The following DST variants were observed in gnomAD, a reference collection of about 807,000 sequenced individuals.
The protein encoded by DST is dystonin, also known as bullous pemphigoid antigen.
Under a neutral mutation model 875.2 loss-of-function variants are expected in DST, and 253 were observed. The ratio of observed to expected loss-of-function variants is 0.29; its 90% CI spans 0.26 to 0.32. The LOEUF (loss-of-function observed/expected upper bound fraction) is 0.32. Ranked by LOEUF, DST falls within the 10% of genes least tolerant of loss-of-function variation. The pLI, the probability that DST is intolerant of heterozygous loss-of-function variation, is 1.00. For missense variants in DST, 8,287 were observed against 9,111.6 expected, an observed-to-expected ratio of 0.91 and a Z score of 3.68; for synonymous variants, 3,124 against 3,197.1, an observed-to-expected ratio of 0.98 and a Z score of 0.77.
At chr6:56,618,125 A>C in intron 36 of DST, 1 of 1,614,142 alleles carries the variant, frequency 6.2e-7, no homozygotes, top group Non-Finnish European at 8.5e-7. Flanking sequence ...TGTCTCATCA[A>C]AAGTTATCTG....
chr6:56,934,560 T>TTATATATA lies in DST; in HGVS notation c.216+19217_216+19224dup, dbSNP rs60018139. 9.6e-3 allele frequency among the ~76,000 whole-genome samples: 1,025 copies of TTATATATA among 106,432 alleles called. 12 individuals carry two copies. The highest frequency in any genetic ancestry group is 0.025 in the African/African-American group (718 of 28,354). The allele number at this position is 106,432 out of a possible 152,430, so 69.8% of individuals were successfully genotyped here. A position where few individuals can be genotyped will look rare whatever the true frequency, so the allele number is the denominator to read the frequency against. On this transcript the variant is annotated intron_variant, in intron 2 of 103. Transcript: ENST00000680361. ...TAAAATATACATATTATATATTATA[T>TTATATATA]TATATATATATATATATATATATAT...
intron 2 of DST, among the ~76,000 whole-genome samples, chr6:56,925,132 T>C (rs1015417711): frequency 6.6e-6 from 1 of 152,002 alleles, no homozygotes; most frequent in South Asian, 2.1e-4. Flanking sequence ...TTAATAAAAG[T>C]ATTTCTTTAA....
At chr6:56,881,111 A>G (rs989608151) in intron 3 of DST, among the ~76,000 whole-genome samples, 7 of 151,976 alleles carry the variant, frequency 4.6e-5, no homozygotes, top group Non-Finnish European at 1.0e-4. Context: ...GGTCTCCCGA[A>G]GTGCTGGGAT....
Position 56,532,518 on chromosome 6 carries a change from C to CA in DST, c.16942-9dup. On this transcript the variant is annotated splice_polypyrimidine_tract_variant and intron_variant, in intron 63 of 103. Transcript: ENST00000680361. ...CAACAATCTCTGGAGAAGCTTGAGA[C>CA]AAAACATTAAATATAAAAAAGCAAG... 2 of 1,567,794 alleles carry CA rather than the reference C, an allele frequency of 1.3e-6. No homozygotes were observed. The highest frequency in any genetic ancestry group is 1.7e-6 in the Non-Finnish European group (2 of 1,157,758).
At chr6:56,728,086 C>A (rs944239573) in intron 5 of DST, among the ~76,000 whole-genome samples, 3 of 151,918 alleles carry the variant, frequency 2.0e-5, no homozygotes, top group African/African-American at 4.8e-5. Flanking sequence ...ATAAGAAAGT[C>A]AAGAAGAAGA....
chr6:56,584,666 T>C (rs1176318228), intron 49 of DST, among the ~76,000 whole-genome samples: 19 of 152,054 alleles, frequency 1.2e-4, no homozygotes, highest in Non-Finnish European at 2.4e-4. Flanking sequence ...ATCCCTGTCT[T>C]GTGCCAGTTT....
chr6:56,702,402 C>T (rs183284411), intron 7 of DST, among the ~76,000 whole-genome samples: 10 of 150,926 alleles, frequency 6.6e-5, no homozygotes, highest in Admixed American at 4.6e-4. Context: ...CACACACACA[C>T]ATATATATAT....
Position 56,604,627 on chromosome 6 carries a change from G to A in DST, c.10001C>T (p.Ser3334Phe), listed in dbSNP as rs1208862500. ...AACCTCCTTTTCTTGGGATCTTGGA[G>A]ACAAGGCTTGTTCTTTTGGTAGCTG... is the stretch of plus-strand genomic sequence containing the variant. ...EQQLPKEQAL[S>F]PRSQEKEVQI... The change falls in exon 40 of 104, where the codon TCT becomes TTT. Residue 3334 changes from serine (S) to phenylalanine (F), a missense_variant. Transcript: ENST00000680361. 6.2e-7 allele frequency: 1 copy of A among 1,612,404 alleles called. No individual in the cohort carries two copies. The highest frequency in any genetic ancestry group is 1.7e-5 in the Admixed American group (1 of 59,838).
chr6:56,667,812 T>TAC (rs2099079406), intron 10 of DST, among the ~76,000 whole-genome samples: 1 of 111,150 alleles, frequency 9.0e-6, no homozygotes, highest in African/African-American at 4.7e-5. Context: ...AAAAATGCAT[T>TAC]ATATATATAT....
Position 56,603,578 on chromosome 6 carries a change from G to T in DST, c.10927C>A (p.Leu3643Ile). The T allele has an allele frequency of 1.9e-6, 3 of 1,608,714 alleles. No individual in the cohort carries two copies. The highest frequency in any genetic ancestry group is 2.5e-6 in the Non-Finnish European group (3 of 1,178,116). The change falls in exon 41 of 104, where the codon CTT becomes ATT. Residue 3643 changes from leucine to isoleucine, a missense_variant. Leu to Ile is a conservative substitution (Grantham distance 5, BLOSUM62 2). This residue lies in a region of DST where 3,138 missense variants were observed against 3,116.6 expected (regional missense o/e 1.01). Coordinates refer to ENST00000680361, the MANE Select transcript of DST (RefSeq NM_001374736.1). ...ACAATTCTTACCTCCAACTGTCTAA[G>T]TTGATTCTTCAAAGCTTCCAAGTTG... ...DNNLEALKNQ[L>I]RQLETFELGL...
intron 50 of DST, among the ~76,000 whole-genome samples, chr6:56,577,212 G>T (rs1585348261): frequency 6.6e-6 from 1 of 152,076 alleles, no homozygotes; most frequent in East Asian, 1.9e-4. Context: ...AACTAAAAGT[G>T]AAACTATGTA....
intron 2 of DST, among the ~76,000 whole-genome samples, 193 bp from the exon 3 acceptor site, chr6:56,900,814 G>C (rs1006382995): frequency 6.7e-6 from 1 of 148,780 alleles, no homozygotes; most frequent in Admixed American, 6.8e-5. Flanking sequence ...AAGCACCCCA[G>C]TATTTCAGGG....
rs2098863475 is a variant in DST, at chr6:56,639,446, T to C, written c.2859+4A>G. The C allele has an allele frequency of 6.2e-7, 1 of 1,613,646 alleles. No individual in the cohort carries two copies. Among genetic ancestry groups the C allele is most frequent in the Admixed American group, 1.7e-5 (1 of 59,994 alleles). ...TAGTATGCAAGTACAAAGGGTGTAC[T>C]TACAGCATGATAATCTTTTTTCCTA... On this transcript the variant is annotated splice_donor_region_variant and intron_variant, in intron 21 of 103. Transcript: ENST00000680361.
intron 36 of DST, among the ~76,000 whole-genome samples, chr6:56,623,065 A>G (rs1027137005): frequency 2.0e-5 from 3 of 152,128 alleles, no homozygotes; most frequent in Non-Finnish European, 2.9e-5. Flanking sequence ...TTTTTAACCT[A>G]TTTTAAATTA....
intron 36 of DST, chr6:56,617,433 T>C: frequency 6.2e-7 from 1 of 1,600,928 alleles, no homozygotes; most frequent in East Asian, 2.2e-5. Context: ...AACAGGAATT[T>C]ATAAAATGTT....
chr6:56,721,660 T>C (rs2099417134), intron 5 of DST, among the ~76,000 whole-genome samples: 1 of 152,224 alleles, frequency 6.6e-6, no homozygotes, highest in South Asian at 2.1e-4. Flanking sequence ...AACTGGCCTA[T>C]TCAAATACCA....
intron 4 of DST, among the ~76,000 whole-genome samples, chr6:56,796,431 T>C (rs1479521972): frequency 1.3e-5 from 2 of 152,198 alleles, no homozygotes; most frequent in Non-Finnish European, 2.9e-5. Flanking sequence ...ATGACCTGTC[T>C]AGTGGTAGAA....
chr6:56,486,234 A>G (rs2095557357), intron 87 of DST, among the ~76,000 whole-genome samples: 2 of 151,780 alleles, frequency 1.3e-5, no homozygotes, highest in Admixed American at 6.6e-5. Context: ...GTAGTGGCGG[A>G]CGCCTGTGGT....
chr6:56,613,499 G>C (rs765323223), intron 37 of DST, among the ~76,000 whole-genome samples: 1 of 152,224 alleles, frequency 6.6e-6, no homozygotes, highest in Non-Finnish European at 1.5e-5. Context: ...TGCAGAGCTA[G>C]AAGTGGGAGC....
Sources: gnomAD v4.1 joint callset for allele counts (sites outside exome capture counted in the v4.1 genomes callset) on GRCh38, gnomAD v4.1.1 for gene constraint, gnomAD v4.1.1 regional missense constraint, MANE v1.5 for transcripts, NCBI Gene and HGNC (gene_info 2026-07-23, HGNC 2026-07-21) for gene names.